The following NFIA variants were observed in gnomAD, a reference collection of about 807,000 sequenced individuals.
The protein encoded by NFIA is nuclear factor 1 A-type.
Under a neutral mutation model 62.8 loss-of-function variants are expected in NFIA, and 8 were observed. That is an observed-to-expected ratio of 0.13 (90% CI 0.07 to 0.23). The LOEUF is 0.23. Among genes scored for constraint, NFIA ranks in the 10% least tolerant of loss-of-function variants. NFIA has a pLI of 1.00. For synonymous variants in NFIA, 235 were observed against 238.1 expected, an observed-to-expected ratio of 0.99 and a Z score of 0.12; for missense variants, 410 against 642.1, an observed-to-expected ratio of 0.64 and a Z score of 3.91.
At chr1:61,409,898 G>A (rs1296386755) in intron 9 of NFIA, among the ~76,000 whole-genome samples, 2 of 152,224 alleles carry the variant, frequency 1.3e-5, no homozygotes, top group African/African-American at 4.8e-5. Flanking sequence ...GTGAGAGGGT[G>A]GAGAGAAGCC....
intron 10 of NFIA, among the ~76,000 whole-genome samples, chr1:61,449,683 C>CT (rs372287178): frequency 0.015 from 2,329 of 151,862 alleles, 53 homozygotes; most frequent in African/African-American, 0.054. Flanking sequence ...ACAAAGGTGC[C>CT]GGGGCCAATC....
chr1:61,383,187 TC>T, intron 6 of NFIA, 49 bp from the exon 7 acceptor site: 1 of 1,605,748 alleles, frequency 6.2e-7, no homozygotes, highest in Non-Finnish European at 8.5e-7. Flanking sequence ...GTTGCACAAA[TC>T]ATTGTTCCAT....
chr1:61,276,254 T>C (rs915815263), intron 2 of NFIA, among the ~76,000 whole-genome samples: 1 of 152,124 alleles, frequency 6.6e-6, no homozygotes, highest in Admixed American at 6.6e-5. Context: ...AAGCAGGGAG[T>C]CTTTTAAAGT....
At chr1:61,102,041 T>C (rs1646520592) in intron 2 of NFIA, among the ~76,000 whole-genome samples, 1 of 152,238 alleles carries the variant, frequency 6.6e-6, no homozygotes, top group Non-Finnish European at 1.5e-5. Flanking sequence ...CATTAATACG[T>C]GTGCTTTTCT....
intron 2 of NFIA, among the ~76,000 whole-genome samples, chr1:61,118,092 G>A (rs1646822715): frequency 6.6e-6 from 1 of 151,702 alleles, no homozygotes; most frequent in African/African-American, 2.4e-5. Context: ...GGTTGAGACA[G>A]GAGAATCACT....
chr1:61,318,208 A>G (rs775638000), intron 3 of NFIA, among the ~76,000 whole-genome samples: 22 of 152,280 alleles, frequency 1.4e-4, no homozygotes, highest in South Asian at 1.2e-3. Context: ...TTTACATTAG[A>G]TATATAACTT....
chr1:61,407,289 G>A (rs527923431), intron 9 of NFIA, among the ~76,000 whole-genome samples: 1 of 152,270 alleles, frequency 6.6e-6, no homozygotes, highest in African/African-American at 2.4e-5. Flanking sequence ...GCAGAGGTTG[G>A]GGTAGGGGCT....
At chr1:61,323,872 C>T (rs777691401) in intron 3 of NFIA, among the ~76,000 whole-genome samples, 2 of 152,040 alleles carry the variant, frequency 1.3e-5, no homozygotes, top group African/African-American at 2.4e-5. Flanking sequence ...GCCCTGTGGA[C>T]AATGTGAGAT....
chr1:61,264,331 C>CA (rs1327643154), intron 2 of NFIA, among the ~76,000 whole-genome samples: 2 of 151,710 alleles, frequency 1.3e-5, no homozygotes, highest in African/African-American at 4.8e-5. Context: ...ATCCAGGTGA[C>CA]AAAAAAGAAG....
At chr1:61,187,896 G>A (rs982562051) in intron 2 of NFIA, among the ~76,000 whole-genome samples, 2 of 152,116 alleles carry the variant, frequency 1.3e-5, no homozygotes, top group Admixed American at 6.5e-5. Context: ...TTCTCCACAG[G>A]GTGGGGAAAA....
intron 9 of NFIA, among the ~76,000 whole-genome samples, chr1:61,422,105 T>C (rs1350232647): frequency 6.6e-6 from 1 of 151,978 alleles, no homozygotes; most frequent in African/African-American, 2.4e-5. Flanking sequence ...CCACAAATAA[T>C]TTTAAAAATT....
chr1:61,241,384 A>C (rs1655342478), intron 2 of NFIA, among the ~76,000 whole-genome samples: 1 of 152,134 alleles, frequency 6.6e-6, no homozygotes, highest in South Asian at 2.1e-4. Context: ...TTGGGATATC[A>C]TTACCTCAGT....
intron 2 of NFIA, among the ~76,000 whole-genome samples, chr1:61,141,745 A>G (rs1183165738): frequency 6.6e-6 from 1 of 152,194 alleles, no homozygotes; most frequent in Non-Finnish European, 1.5e-5. Context: ...ACACCAAAAT[A>G]GTTTCATTAA....
chr1:61,316,010 A>G (rs1156534793), intron 3 of NFIA, among the ~76,000 whole-genome samples: 7 of 152,230 alleles, frequency 4.6e-5, no homozygotes, highest in Admixed American at 4.6e-4. Flanking sequence ...AAAGGAGATC[A>G]GGGAGGCTTG....
intron 2 of NFIA, among the ~76,000 whole-genome samples, chr1:61,184,087 C>T (rs1461483798): frequency 1.5e-5 from 2 of 136,322 alleles, no homozygotes; most frequent in Non-Finnish European, 3.0e-5. Flanking sequence ...TCTGTTTCTA[C>T]TCAGATCCGT....
In NFIA at chr1:61,088,753, G is replaced by A. The variant is rs543275715; in HGVS notation, c.559+73G>A. On this transcript the variant is annotated intron_variant, in intron 2 of 10. Transcript: ENST00000403491. The surrounding 1 kb of genome is among the most constrained non-coding windows in gnomAD (Gnocchi z 4.5). ...TTCCTGATGGCCTCCGCGTTATGCC[G>A]GATTCTTCCTGAGCTCCCCAAGTTG... 7.8e-5 allele frequency: 118 copies of A among 1,505,926 alleles called. No homozygotes were observed. Among genetic ancestry groups the A allele is most frequent in the Admixed American group, 5.1e-4 (25 of 49,476 alleles). 93.3% of individuals were successfully genotyped at this position (1,505,926 alleles called of 1,614,324 possible).
At chr1:61,271,096 A>AT (rs1167131232) in intron 2 of NFIA, among the ~76,000 whole-genome samples, 10 of 152,344 alleles carry the variant, frequency 6.6e-5, no homozygotes, top group African/African-American at 2.4e-4. Flanking sequence ...AGGTTTAATG[A>AT]TTGAGTCATT....
chr1:61,162,511 C>G (rs1038012642), intron 2 of NFIA, among the ~76,000 whole-genome samples: 2 of 152,144 alleles, frequency 1.3e-5, no homozygotes, highest in Non-Finnish European at 2.9e-5. Flanking sequence ...TACCCAAGGC[C>G]TGGGTGGGAT....
rs112361623 is a variant in NFIA, at chr1:61,175,188, C to A, written c.559+86508C>A. ...ACAGGATCTCACTCTCTTGCCCAGG[C>A]TGGAGTACAGTGACATAATCTTGGC... is the stretch of plus-strand genomic sequence containing the variant. On this transcript the variant is annotated intron_variant, in intron 2 of 10. Transcript: ENST00000403491. Among the ~76,000 whole-genome samples the A allele has an allele frequency of 8.2e-3, 1,243 of 152,088 alleles. 8 individuals are homozygous for A. Among genetic ancestry groups the A allele is most frequent in the Middle Eastern group, 0.014 (4 of 290 alleles).
Sources: allele counts gnomAD v4.1 joint callset (sites outside exome capture counted in the v4.1 genomes callset), GRCh38; gene constraint gnomAD v4.1.1; non-coding constraint Gnocchi (gnomAD v3.1); transcripts MANE v1.5; gene names NCBI Gene and HGNC (gene_info 2026-07-23, HGNC 2026-07-21).